MPRIP: variants seen among roughly 807,000 people sequenced by gnomAD.
The protein encoded by MPRIP is myosin phosphatase Rho interacting protein.
A neutral mutation model predicts 234.9 loss-of-function variants in MPRIP; 59 were observed. That is an observed-to-expected ratio of 0.25 (90% confidence interval 0.20 to 0.31). The LOEUF (loss-of-function observed/expected upper bound fraction) is 0.31. Among genes scored for constraint, MPRIP ranks in the 10% least tolerant of loss-of-function variants. The pLI, the probability that MPRIP is intolerant of heterozygous loss-of-function variation, is 1.00. For missense variants in MPRIP, 2,436 were observed against 3,071.0 expected (o/e 0.79, Z 4.89); for synonymous variants, 1,144 against 1,263.9 (o/e 0.91, Z 2.01).
intron 3 of MPRIP, chr17:17,097,099 C>T (rs1051910340): frequency 1.6e-5 from 3 of 190,328 alleles, no homozygotes; most frequent in African/African-American, 6.9e-5. Context: ...GCAGGATCAG[C>T]CAAAGCAGAG....
chr17:17,169,603 C>A (rs1043078723), intron 16 of MPRIP, among the ~76,000 whole-genome samples: 1 of 152,278 alleles, frequency 6.6e-6, no homozygotes, highest in Non-Finnish European at 1.5e-5. Flanking sequence ...TGTCCACTCC[C>A]TGCTGCCTTA....
At position 17,164,550 on chromosome 17, in the gene MPRIP, C is replaced by G; in HGVS notation, c.2959C>G (p.Gln987Glu). The G allele has an allele frequency of 8.3e-7, 1 of 1,209,468 alleles. No individual in the cohort carries two copies. The highest frequency in any genetic ancestry group is 1.1e-6 in the Non-Finnish European group (1 of 946,834). The allele number at this position is 1,209,468 out of a possible 1,614,324, so 74.9% of individuals were successfully genotyped here. A position where few individuals can be genotyped will look rare whatever the true frequency, so the allele number is the denominator to read the frequency against. Reference protein sequence around the residue: ...ETQQALQRDRQKEVQRLQERI... With the variant: ...ETQQALQRDREKEVQRLQERI... ...ACAGCAGGCGCTGCAGCGGGACCGG[C>G]AGAAGGAGGTCCAGAGGCTGCAGGA... is the stretch of plus-strand genomic sequence containing the variant. Residue 987 changes from glutamine to glutamate, a missense_variant, in exon 16 of 24, where the codon CAG becomes GAG. Physicochemically the swap from Gln to Glu is conservative, Grantham distance 29. Around this residue, in one of 4 missense-constraint regions of MPRIP, gnomAD observed 1,998 missense variants for 2,520.3 expected, o/e 0.79. Transcript: ENST00000651222.
At chr17:17,145,617 G>C (rs1270050318) in intron 9 of MPRIP, among the ~76,000 whole-genome samples, 1 of 152,242 alleles carries the variant, frequency 6.6e-6, no homozygotes, top group Non-Finnish European at 1.5e-5. Context: ...CAGGCTTCCT[G>C]TGGCTTCTGC....
chr17:17,135,577 T>A (rs7216677), intron 5 of MPRIP, among the ~76,000 whole-genome samples: 1 of 152,056 alleles, frequency 6.6e-6, no homozygotes, highest in Non-Finnish European at 1.5e-5. Context: ...AGTGCTAGTA[T>A]TTTGGGTGTC....
intron 15 of MPRIP, 140 bp from the exon 16 acceptor site, chr17:17,163,969 G>A (rs530447843): frequency 6.5e-6 from 3 of 465,064 alleles, no homozygotes; most frequent in South Asian, 2.7e-5. Context: ...TTTTTTAATG[G>A]GAAAAAAAAA....
intron 19 of MPRIP, 50 bp downstream of exon 19, chr17:17,174,125 C>A: frequency 6.3e-7 from 1 of 1,594,702 alleles, no homozygotes; most frequent in Non-Finnish European, 8.6e-7. Flanking sequence ...CACTCAAGGT[C>A]AGGTAGACCC....
chr17:17,153,178 C>T (rs915016380), intron 12 of MPRIP, among the ~76,000 whole-genome samples: 1 of 152,140 alleles, frequency 6.6e-6, no homozygotes, highest in Admixed American at 6.5e-5. Context: ...GTGTCTTGAT[C>T]GGGCATGTGG....
chr17:17,099,544 A>G (rs1175685339), intron 3 of MPRIP, among the ~76,000 whole-genome samples: 1 of 152,186 alleles, frequency 6.6e-6, no homozygotes, highest in Non-Finnish European at 1.5e-5. Context: ...TGGGCAACAT[A>G]GCAAGACCGC....
At chr17:17,074,840 T>C (rs151090947) in intron 1 of MPRIP, among the ~76,000 whole-genome samples, 1 of 152,358 alleles carries the variant, frequency 6.6e-6, no homozygotes, top group African/African-American at 2.4e-5. Flanking sequence ...GGCTGAATAA[T>C]GTTCCCTTGT....
Position 17,165,699 on chromosome 17 carries a change from C to T in MPRIP, c.4108C>T (p.Leu1370=). ...GTCCTCAGAGCCTGCACCCAGTGTA[C>T]TGCCTGCAACTGGCGACTCTGACAC... ...SMSSEPAPSV[L]PATGDSDTYL... is the part of the protein sequence containing the mutation. The change falls in exon 16 of 24, where the codon CTG becomes TTG. Residue 1370 remains leucine, a synonymous_variant. Coordinates refer to ENST00000651222, the MANE Select transcript of MPRIP (RefSeq NM_001364716.4). The T allele has an allele frequency of 7.7e-7, 1 of 1,305,090 alleles. No individual in the cohort carries two copies. The highest frequency in any genetic ancestry group is 1.0e-6 in the Non-Finnish European group (1 of 989,030). 80.8% of individuals were successfully genotyped at this position (1,305,090 alleles called of 1,614,324 possible). A position where few individuals can be genotyped will look rare whatever the true frequency, so the allele number is the denominator to read the frequency against.
In MPRIP at chr17:17,166,998, C is replaced by T. The variant is rs1444008721; in HGVS notation, c.5407C>T (p.Leu1803=). 1.8e-5 allele frequency: 23 copies of T among 1,304,274 alleles called. No homozygotes were observed. The highest frequency in any genetic ancestry group is 2.2e-5 in the Non-Finnish European group (22 of 988,966). 80.8% of individuals were successfully genotyped at this position (1,304,274 alleles called of 1,614,324 possible). A position where few individuals can be genotyped will look rare whatever the true frequency, so the allele number is the denominator to read the frequency against. ...LEEIAAALPS[L]PPVESLRDCQ... ...GGAGATAGCGGCTGCCTTACCATCT[C>T]TGCCACCTGTGGAATCGCTGAGAGA... is the stretch of plus-strand genomic sequence containing the variant. Residue 1803 remains leucine, a synonymous_variant, in exon 16 of 24, where the codon CTG becomes TTG. Transcript: ENST00000651222. This position sits in a 1 kb window ranked among gnomAD's most constrained non-coding sequence, Gnocchi z 4.4.
chr17:17,159,573 G>A (rs1412024941), intron 14 of MPRIP, among the ~76,000 whole-genome samples: 1 of 152,180 alleles, frequency 6.6e-6, no homozygotes, highest in Non-Finnish European at 1.5e-5. Context: ...TCCTCCACGA[G>A]GCCTTCAGTG....
At chr17:17,175,536 G>A in intron 20 of MPRIP, 124 bp downstream of exon 20, 2 of 1,275,696 alleles carry the variant, frequency 1.6e-6, no homozygotes, top group Non-Finnish European at 2.1e-6. Flanking sequence ...GGAGTCACAG[G>A]GTCCAGGAAG....
At chr17:17,158,358 C>A (rs1307342683) in intron 13 of MPRIP, 74 bp from the exon 14 acceptor site, 69 of 1,313,660 alleles carry the variant, frequency 5.3e-5, no homozygotes, top group Non-Finnish European at 2.1e-6. Flanking sequence ...TGTGGCTCAG[C>A]ATTGCCAGCT....
intron 3 of MPRIP, among the ~76,000 whole-genome samples, chr17:17,083,150 T>C (rs2089505288): frequency 6.6e-6 from 1 of 152,234 alleles, no homozygotes; most frequent in South Asian, 2.1e-4. Flanking sequence ...GTGTAGGGGC[T>C]GTGCTAAGGA....
At chr17:17,177,161 C>T (rs1328740358) in intron 21 of MPRIP, 89 bp from the exon 22 acceptor site, 1 of 1,312,072 alleles carries the variant, frequency 7.6e-7, no homozygotes, top group Non-Finnish European at 1.1e-6. Context: ...AGCCTCCCTA[C>T]CGTGTTCAGT....
chr17:17,156,602 C>T (rs764853237), intron 13 of MPRIP, among the ~76,000 whole-genome samples: 2 of 152,194 alleles, frequency 1.3e-5, no homozygotes, highest in South Asian at 2.1e-4. Flanking sequence ...GGGTGCTTCC[C>T]GCCTTTGGCA....
chr17:17,108,776 G>A lies in MPRIP; in HGVS notation c.268-17926G>A, dbSNP rs2090112400. Among the ~76,000 whole-genome samples the A allele has an allele frequency of 2.0e-5, 3 of 152,226 alleles. No individual in the cohort carries two copies. The South Asian group carries it at 6.2e-4, about 31-fold the overall frequency. On this transcript the variant is annotated intron_variant, in intron 3 of 23. Coordinates refer to ENST00000651222, the MANE Select transcript of MPRIP (RefSeq NM_001364716.4). ...GCTTTCAGTCTCACTGCAGCAAACA[G>A]CAGCTTGTTTTCTCTAGATCTGCCT...
At chr17:17,094,809 G>A (rs1366863637) in intron 3 of MPRIP, among the ~76,000 whole-genome samples, 5 of 151,760 alleles carry the variant, frequency 3.3e-5, no homozygotes, top group Non-Finnish European at 4.4e-5. Context: ...TGGGGGTATC[G>A]CCATGTTTCC....
Sources: allele counts gnomAD v4.1 joint callset (sites outside exome capture counted in the v4.1 genomes callset), GRCh38; gene constraint gnomAD v4.1.1; regional missense constraint gnomAD v4.1.1; non-coding constraint Gnocchi (gnomAD v3.1); transcripts MANE v1.5; gene names NCBI Gene and HGNC (gene_info 2026-07-23, HGNC 2026-07-21).